SYN3: variants seen among roughly 807,000 people sequenced by gnomAD.
The protein encoded by SYN3 is synapsin-3.
A neutral mutation model predicts 65.8 loss-of-function variants in SYN3; 35 were observed. The ratio of observed to expected loss-of-function variants is 0.53; its 90% CI spans 0.41 to 0.70. SYN3 has a LOEUF of 0.70. Ranked by LOEUF, SYN3 falls within the 30% of genes least tolerant of loss-of-function variation. SYN3 has a pLI of 0.00. For missense variants in SYN3, 680 were observed against 749.0 expected (o/e 0.91, Z 1.08); for synonymous variants, 270 against 292.9 (o/e 0.92, Z 0.80).
At chr22:32,762,814 C>T (rs2045521091) in intron 6 of SYN3, among the ~76,000 whole-genome samples, 1 of 152,146 alleles carries the variant, frequency 6.6e-6, no homozygotes, top group Non-Finnish European at 1.5e-5. Context: ...CCTCAGCTTC[C>T]CCATTTGTAA....
At position 32,513,377 on chromosome 22, in the gene SYN3, A is replaced by T; in HGVS notation, c.*315T>A. The T allele has an allele frequency of 3.8e-6, 1 of 263,240 alleles. No individual in the cohort carries two copies. Among genetic ancestry groups the T allele is most frequent in the Non-Finnish European group, 7.3e-6 (1 of 137,796 alleles). 16.3% of individuals were successfully genotyped at this position (263,240 alleles called of 1,614,324 possible). ...AAGAATGTGAAAACTAGCCACTCGC[A>T]GACATCTCACTTGGTTATCTGGCAG... On this transcript the variant is annotated 3_prime_UTR_variant, in exon 14 of 14. Transcript: ENST00000358763.
rs374488332 is a variant in SYN3, at chr22:32,849,459, G to A, written c.711+15456C>T. The A allele has an allele frequency of 2.2e-4, 347 of 1,613,528 alleles. No individual in the cohort carries two copies. Among genetic ancestry groups the A allele is most frequent in the Non-Finnish European group, 2.8e-4 (331 of 1,179,848 alleles). On this transcript the variant is annotated intron_variant, in intron 6 of 13. Coordinates refer to ENST00000358763, the MANE Select transcript of SYN3 (RefSeq NM_003490.4). Reference sequence around the variant, plus strand: ...CTCCTTCTGTCTCTGCAGTGATCCGGGCCAAGGTGGTGGGGAAGAAGCTGG... The same window carrying A: ...CTCCTTCTGTCTCTGCAGTGATCCGAGCCAAGGTGGTGGGGAAGAAGCTGG...
chr22:33,014,241 T>C lies in SYN3; in HGVS notation c.-162-7417A>G, dbSNP rs117156734. Among the ~76,000 whole-genome samples, 91 of 152,262 alleles carry C rather than the reference T, an allele frequency of 6.0e-4. No homozygotes were observed. The East Asian group carries it at 0.015, about 26-fold the overall frequency. ...TCCCCCTCCTTTTAAGGCTGAATGG[T>C]ATTCCATCGTGTGTATATATACCAC... On this transcript the variant is annotated intron_variant, in intron 1 of 13. Transcript: ENST00000358763.
At chr22:32,710,996 C>T (rs913090798) in intron 6 of SYN3, among the ~76,000 whole-genome samples, 14 of 152,134 alleles carry the variant, frequency 9.2e-5, no homozygotes, top group Non-Finnish European at 1.9e-4. Flanking sequence ...AGTGACATGC[C>T]GGAGATGCTC....
At position 32,533,889 on chromosome 22, in the gene SYN3, C is replaced by A; in HGVS notation, c.999G>T (p.Arg333Ser). 1 of 1,612,922 alleles carries A rather than the reference C, an allele frequency of 6.2e-7. No individual in the cohort carries two copies. Among genetic ancestry groups the A allele is most frequent in the Non-Finnish European group, 8.5e-7 (1 of 1,179,134 alleles). Reference sequence around the variant, plus strand: ...TTTCCGAGCAGCTGTCCACCCACAGCCTGTACCTGCAGGGACAGATGGACA... The same window carrying A: ...TTTCCGAGCAGCTGTCCACCCACAGACTGTACCTGCAGGGACAGATGGACA... ...LEQVAMTERY[R>S]LWVDSCSEMF... The change falls in exon 10 of 14, where the codon AGG becomes AGT. Residue 333 changes from arginine to serine, a missense_variant. By Grantham distance (110) the Arg-to-Ser change is moderately radical. Coordinates refer to ENST00000358763, the MANE Select transcript of SYN3 (RefSeq NM_003490.4).
chr22:32,980,597 C>T (rs370239511), intron 3 of SYN3, 48 bp downstream of exon 3: 42 of 1,564,296 alleles, frequency 2.7e-5, no homozygotes, highest in African/African-American at 1.9e-4. Flanking sequence ...ACAGCCCCAG[C>T]GGCAGAAAAG....
At chr22:32,603,525 C>T (rs1165441298) in intron 6 of SYN3, among the ~76,000 whole-genome samples, 2 of 125,412 alleles carry the variant, frequency 1.6e-5, no homozygotes, top group Non-Finnish European at 3.1e-5. Context: ...GAGACTCCGT[C>T]TCAAAAAAAA....
At chr22:32,982,893 A>G (rs2145664976) in intron 2 of SYN3, among the ~76,000 whole-genome samples, 1 of 152,316 alleles carries the variant, frequency 6.6e-6, no homozygotes, top group East Asian at 1.9e-4. Flanking sequence ...TTTCCAACTT[A>G]CAGATGAAGA....
intron 6 of SYN3, among the ~76,000 whole-genome samples, chr22:32,659,459 CTG>C (rs1331887840): frequency 1.3e-5 from 2 of 152,200 alleles, no homozygotes; most frequent in African/African-American, 4.8e-5. Context: ...CAAACTCTTC[CTG>C]GGAGACAAGA....
At chr22:32,649,571 T>C (rs1427079391) in intron 6 of SYN3, among the ~76,000 whole-genome samples, 1 of 152,158 alleles carries the variant, frequency 6.6e-6, no homozygotes, top group African/African-American at 2.4e-5. Context: ...CAGAACATGC[T>C]CTTCTTACTA....
At chr22:32,821,173 G>A (rs936060222) in intron 6 of SYN3, among the ~76,000 whole-genome samples, 2 of 152,098 alleles carry the variant, frequency 1.3e-5, no homozygotes, top group African/African-American at 4.8e-5. Flanking sequence ...ATGGAATCCC[G>A]TCTCTGCCTT....
chr22:32,509,720 T>C lies in SYN3; in HGVS notation c.*3972A>G, dbSNP rs369915475. Among the ~76,000 whole-genome samples the C allele has an allele frequency of 0.13, 20,220 of 151,794 alleles. 4,288 individuals are homozygous for C. Among genetic ancestry groups the C allele is most frequent in the African/African-American group, 0.45 (18,487 of 41,300 alleles). On this transcript the variant is annotated 3_prime_UTR_variant, in exon 14 of 14. Coordinates refer to ENST00000358763, the MANE Select transcript of SYN3 (RefSeq NM_003490.4). ...AGTAGCTGGGACTACAGGCGCCCGCTACCACGCCCGGCTAATTTTTTATAT... is the reference window on the plus strand; with the variant it reads ...AGTAGCTGGGACTACAGGCGCCCGCCACCACGCCCGGCTAATTTTTTATAT...
At chr22:32,847,032 G>T (rs1160195913) in intron 6 of SYN3, among the ~76,000 whole-genome samples, 4 of 152,112 alleles carry the variant, frequency 2.6e-5, no homozygotes, top group African/African-American at 9.7e-5. Flanking sequence ...AGCCATTTTT[G>T]AACCAGGATG....
chr22:33,021,642 C>T (rs1362246087), intron 1 of SYN3, among the ~76,000 whole-genome samples: 1 of 152,164 alleles, frequency 6.6e-6, no homozygotes, highest in South Asian at 2.1e-4. Flanking sequence ...CGTGGCCCAC[C>T]CACCTCTCCC....
intron 3 of SYN3, among the ~76,000 whole-genome samples, chr22:32,942,945 G>A (rs1601747548): frequency 1.3e-5 from 2 of 152,186 alleles, no homozygotes; most frequent in African/African-American, 4.8e-5. Flanking sequence ...ATGGGACTAT[G>A]TGAAAAAACC....
In SYN3 at chr22:32,866,200, G is replaced by A. The variant is rs148308266; in HGVS notation, c.622-1196C>T. Among the ~76,000 whole-genome samples the A allele has an allele frequency of 1.4e-4, 21 of 152,278 alleles. 1 individual carries two copies. The East Asian group carries it at 3.9e-3, about 28-fold the overall frequency. On this transcript the variant is annotated intron_variant, in intron 5 of 13. Coordinates refer to ENST00000358763, the MANE Select transcript of SYN3 (RefSeq NM_003490.4). ...TGTGGTCCCATGTGGATGCCCAGTG[G>A]TTAAAGGAGTGGCCAACCTGACTTG... is the stretch of plus-strand genomic sequence containing the variant.
chr22:32,869,330 TTCTCTCTCTCTC>T (rs59752570), intron 4 of SYN3, among the ~76,000 whole-genome samples: 24 of 121,040 alleles, frequency 2.0e-4, no homozygotes, highest in African/African-American at 2.6e-4. Context: ...ACTATATATA[TTCTCTCTCTCTC>T]TCTCTCTCTC....
At chr22:32,806,385 C>T (rs114287663) in intron 6 of SYN3, among the ~76,000 whole-genome samples, 1,698 of 152,294 alleles carry the variant, frequency 0.011, 35 homozygotes, top group African/African-American at 0.038. Flanking sequence ...CACATTCCAA[C>T]AGGTTCATTA....
chr22:32,740,960 T>C (rs577039472), intron 6 of SYN3, among the ~76,000 whole-genome samples: 3 of 152,140 alleles, frequency 2.0e-5, no homozygotes, highest in Non-Finnish European at 4.4e-5. Flanking sequence ...CCGTGGGGGC[T>C]GCAGGCAATG....
Sources: gnomAD v4.1 joint callset for allele counts (sites outside exome capture counted in the v4.1 genomes callset) on GRCh38, gnomAD v4.1.1 for gene constraint, MANE v1.5 for transcripts, NCBI Gene and HGNC (gene_info 2026-07-23, HGNC 2026-07-21) for gene names.